Variants in CYP2S1 observed in about 807,000 individuals in gnomAD.
CYP2S1 encodes the protein cytochrome P450 2S1.
In CYP2S1, 32 loss-of-function variants were observed where a neutral mutation model predicts 43.5. That is an observed-to-expected ratio of 0.74 (90% CI 0.56 to 0.99). The LOEUF is 0.99. Ranked by LOEUF, CYP2S1 falls within the 50% of genes least tolerant of loss-of-function variation. The pLI is 0.00. For missense variants in CYP2S1, 575 were observed against 673.9 expected, an observed-to-expected ratio of 0.85 and a Z score of 1.62; for synonymous variants, 283 against 302.9, an observed-to-expected ratio of 0.93 and a Z score of 0.68.
chr19:41,199,647 A>G (rs2033462441), intron 5 of CYP2S1, among the ~76,000 whole-genome samples: 1 of 151,982 alleles, frequency 6.6e-6, no homozygotes, highest in South Asian at 2.1e-4. Context: ...TTGAACTCCC[A>G]AAGTGCTGGG....
chr19:41,200,937 G>A (rs2033479556), intron 5 of CYP2S1, among the ~76,000 whole-genome samples: 1 of 152,020 alleles, frequency 6.6e-6, no homozygotes. Context: ...AATTAGCCAG[G>A]CATGGTGGTG....
At chr19:41,204,159 C>T (rs2033531795) in intron 7 of CYP2S1, among the ~76,000 whole-genome samples, 1 of 152,168 alleles carries the variant, frequency 6.6e-6, no homozygotes, top group Non-Finnish European at 1.5e-5. Flanking sequence ...CCGCACCCAG[C>T]CATGCTTTCT....
At chr19:41,202,804 AAG>A (rs1004661407) in intron 6 of CYP2S1, among the ~76,000 whole-genome samples, 5 of 151,610 alleles carry the variant, frequency 3.3e-5, no homozygotes, top group African/African-American at 4.9e-5. Flanking sequence ...TCAAAAAAAA[AAG>A]AGAGAGAGAG....
In CYP2S1 at chr19:41,198,723, C is replaced by A; in HGVS notation, c.669C>A (p.Phe223Leu). 6.2e-7 allele frequency: 1 copy of A among 1,614,122 alleles called. No individual in the cohort carries two copies. The highest frequency in any genetic ancestry group is 8.5e-7 in the Non-Finnish European group (1 of 1,179,994). ...TCTCCCCACAGACCTACGAGATGTT[C>A]TCCTGGTTCCTGCGGCCCCTGCCAG... ...SSQGGQTYEMFSWFLRPLPGP... is the reference protein window; with the variant it reads ...SSQGGQTYEMLSWFLRPLPGP... Residue 223 changes from phenylalanine to leucine, a missense_variant, in exon 5 of 9, where the codon TTC (phenylalanine) becomes TTA (leucine). Phe to Leu is a conservative substitution (Grantham distance 22, BLOSUM62 0). Transcript: ENST00000310054. The surrounding 1 kb of genome is among the most constrained non-coding windows in gnomAD (Gnocchi z 4.9).
Position 41,206,029 on chromosome 19 carries a change from C to T in CYP2S1, c.1236C>T (p.Phe412=). 6.2e-7 allele frequency: 1 copy of T among 1,614,134 alleles called. No homozygotes were observed. The highest frequency in any genetic ancestry group is 8.5e-7 in the Non-Finnish European group (1 of 1,180,024). The change falls in exon 8 of 9, where the codon TTC becomes TTT. Residue 412 remains phenylalanine, a synonymous_variant. Coordinates refer to ENST00000310054, the MANE Select transcript of CYP2S1 (RefSeq NM_030622.8). ...DPNIFKHPEE[F]NPDRFLDADG... is the part of the protein sequence containing the mutation. ...ACATCTTCAAGCACCCAGAAGAGTT[C>T]AACCCAGACCGTTTCCTGGATGCAG...
At chr19:41,205,430 CTCTT>C (rs1262355487) in intron 7 of CYP2S1, among the ~76,000 whole-genome samples, 16 of 114,874 alleles carry the variant, frequency 1.4e-4, no homozygotes, top group East Asian at 2.8e-4. Context: ...CTCTCTCTCT[CTCTT>C]TCTTTCTTTT....
chr19:41,205,962 C>T lies in CYP2S1; in HGVS notation c.1169C>T (p.Thr390Met), dbSNP rs144602275. 6.2e-6 allele frequency: 10 copies of T among 1,613,674 alleles called. No homozygotes were observed. Among genetic ancestry groups the T allele is most frequent in the African/African-American group, 1.3e-5 (1 of 74,876 alleles). ...TTCATTATTATTTCCCCTCAGGGCA[C>T]GGAGGTCTTCCCCCTCCTTGGCTCC... ...RFRGYTLPQG[T>M]EVFPLLGSIL... is the part of the protein sequence containing the mutation. Residue 390 changes from threonine to methionine, a missense_variant, in exon 8 of 9, where the codon ACG (threonine) becomes ATG (methionine). Thr to Met is a moderately conservative substitution (Grantham distance 81, BLOSUM62 -1). Coordinates refer to ENST00000310054, the MANE Select transcript of CYP2S1 (RefSeq NM_030622.8).
At position 41,198,129 on chromosome 19, in the gene CYP2S1, CTG is replaced by C. The variant is rs1270797440; in HGVS notation, c.493+207_493+208del. On this transcript the variant is annotated intron_variant, in intron 3 of 8. Transcript: ENST00000310054. This position sits in a 1 kb window ranked among gnomAD's most constrained non-coding sequence, Gnocchi z 4.9. ...TCTCCGAGGCTGTCATGACATCTCT[CTG>C]TGTGTCTCTGGTGCTATCATCCCAT... 6.6e-6 allele frequency among the ~76,000 whole-genome samples: 1 copy of C among 152,140 alleles called. No homozygotes were observed. The highest frequency in any genetic ancestry group is 1.5e-5 in the Non-Finnish European group (1 of 68,016).
At position 41,198,569 on chromosome 19, in the gene CYP2S1, G is replaced by C. The variant is rs747779095; in HGVS notation, c.601G>C (p.Val201Leu). Residue 201 changes from valine to leucine, a missense_variant, in exon 4 of 9, where the codon GTG becomes CTG. By Grantham distance (32) the Val-to-Leu change is conservative. This residue lies in a region of CYP2S1 where 353 missense variants were observed against 367.6 expected (regional missense o/e 0.96). Coordinates refer to ENST00000310054, the MANE Select transcript of CYP2S1 (RefSeq NM_030622.8). The surrounding 1 kb of genome is among the most constrained non-coding windows in gnomAD (Gnocchi z 4.9). Reference sequence around the variant, plus strand: ...CTATGAGGATAAGGAGTTCCAGGCCGTGGTCCGGGCAGCTGGTGGTACCCT... The same window carrying C: ...CTATGAGGATAAGGAGTTCCAGGCCCTGGTCCGGGCAGCTGGTGGTACCCT... ...FSYEDKEFQAVVRAAGGTLLG... is the reference protein window; with the variant it reads ...FSYEDKEFQALVRAAGGTLLG... 1 of 1,614,192 alleles carries C rather than the reference G, an allele frequency of 6.2e-7. No individual in the cohort carries two copies. The highest frequency in any genetic ancestry group is 8.5e-7 in the Non-Finnish European group (1 of 1,180,022).
Position 41,205,468 on chromosome 19 carries a change from TTTCTTC to T in CYP2S1, c.1165-489_1165-484del, listed in dbSNP as rs1283180491. Among the ~76,000 whole-genome samples the T allele has an allele frequency of 6.6e-5, 10 of 150,530 alleles. No homozygotes were observed. In the South Asian group the frequency reaches 1.7e-3, roughly 25 times the overall value. Reference sequence around the variant, plus strand: ...TTCTTTTTCTTTCTCTCTCTCTCTCTTTCTTCCTTTCTTCCTTCCTCCCTTCCTCCC... The same window carrying T: ...TTCTTTTTCTTTCTCTCTCTCTCTCTCTTTCTTCCTTCCTCCCTTCCTCCC... On this transcript the variant is annotated intron_variant, in intron 7 of 8. Transcript: ENST00000310054.
intron 7 of CYP2S1, 32 bp from the exon 8 acceptor site, chr19:41,205,926 G>A (rs1159750691): frequency 6.2e-7 from 1 of 1,606,930 alleles, no homozygotes; most frequent in Non-Finnish European, 8.5e-7. Flanking sequence ...GGGTGGGAAG[G>A]GGTTTATAGT....
Position 41,198,347 on chromosome 19 carries a change from G to T in CYP2S1, c.494-115G>T, listed in dbSNP as rs954963965. 4 of 1,354,030 alleles carry T rather than the reference G, an allele frequency of 3.0e-6. No individual in the cohort carries two copies. The highest frequency in any genetic ancestry group is 2.6e-5 in the South Asian group (2 of 75,978). The allele number at this position is 1,354,030 out of a possible 1,614,324, so 83.9% of individuals were successfully genotyped here. On this transcript the variant is annotated intron_variant, in intron 3 of 8. Transcript: ENST00000310054. This position sits in a 1 kb window ranked among gnomAD's most constrained non-coding sequence, Gnocchi z 4.9. ...TTTGCCTGTTTAGCTCTCTCCCTGC[G>T]CTGTCCATCCATCTTTCCCTGCCTC...
At chr19:41,202,804 A>G (rs887502852) in intron 6 of CYP2S1, among the ~76,000 whole-genome samples, 26 of 151,612 alleles carry the variant, frequency 1.7e-4, no homozygotes, top group Non-Finnish European at 8.8e-5. Flanking sequence ...TCAAAAAAAA[A>G]AGAGAGAGAG....
intron 1 of CYP2S1, 115 bp from the exon 2 acceptor site, chr19:41,194,429 G>C: frequency 1.5e-6 from 2 of 1,350,768 alleles, no homozygotes; most frequent in Non-Finnish European, 2.0e-6. Context: ...GCAGGTTCCT[G>C]GTAGAGGGCG....
chr19:41,201,644 C>G (rs554269274), intron 6 of CYP2S1, among the ~76,000 whole-genome samples: 1 of 151,980 alleles, frequency 6.6e-6, no homozygotes, highest in East Asian at 1.9e-4. Context: ...GTAGAAGTTG[C>G]AGTGAGCTGA....
chr19:41,203,160 C>A (rs1306839038), intron 6 of CYP2S1, among the ~76,000 whole-genome samples: 1 of 150,604 alleles, frequency 6.6e-6, no homozygotes, highest in African/African-American at 2.4e-5. Flanking sequence ...TGTGGTGAGC[C>A]AAGATCGCAC....
intron 2 of CYP2S1, 44 bp downstream of exon 2, chr19:41,194,753 A>C (rs752210208): frequency 6.3e-7 from 1 of 1,581,840 alleles, no homozygotes; most frequent in African/African-American, 1.4e-5. Context: ...GCCTGCCACC[A>C]CTTACTGGTG....
intron 6 of CYP2S1, among the ~76,000 whole-genome samples, chr19:41,203,169 A>G (rs776727615): frequency 4.6e-5 from 7 of 151,054 alleles, no homozygotes; most frequent in Non-Finnish European, 8.9e-5. Context: ...CCAAGATCGC[A>G]CCATTGCACT....
intron 6 of CYP2S1, 133 bp from the exon 7 acceptor site, chr19:41,203,317 T>A (rs57934551): frequency 0.21 from 184,439 of 881,278 alleles, 20,654 homozygotes; most frequent in East Asian, 0.35. Flanking sequence ...TTGGGCTCAG[T>A]GAGGGCTGGG....
Sources: allele counts gnomAD v4.1 joint callset (sites outside exome capture counted in the v4.1 genomes callset), GRCh38; gene constraint gnomAD v4.1.1; regional missense constraint gnomAD v4.1.1; non-coding constraint Gnocchi (gnomAD v3.1); transcripts MANE v1.5; gene names NCBI Gene and HGNC (gene_info 2026-07-23, HGNC 2026-07-21).